The following MRPS28 variants were observed in gnomAD, a reference collection of about 807,000 sequenced individuals.
The protein encoded by MRPS28 is mitochondrial ribosomal protein S28.
In MRPS28, 7 loss-of-function variants were observed where a neutral mutation model predicts 10.8. That is an observed-to-expected ratio of 0.65 (90% CI 0.37 to 1.22). The LOEUF is 1.22. MRPS28 is among the 50% of genes most tolerant of loss of function. The probability of loss-of-function intolerance (pLI) is 0.02; values close to 1 mark genes in which losing one functional copy is unlikely to be tolerated. For missense variants in MRPS28, 265 were observed against 232.9 expected, an observed-to-expected ratio of 1.14 and a Z score of -0.90; for synonymous variants, 121 against 93.3, an observed-to-expected ratio of 1.30 and a Z score of -1.71.
At chr8:79,976,967 G>A (rs1426488531) in intron 2 of MRPS28, among the ~76,000 whole-genome samples, 3 of 152,080 alleles carry the variant, frequency 2.0e-5, no homozygotes, top group South Asian at 2.1e-4. Flanking sequence ...CCACAGAGAT[G>A]TTCCAGACTG....
intron 2 of MRPS28, among the ~76,000 whole-genome samples, chr8:79,983,676 G>A (rs9720689): frequency 0.68 from 102,295 of 151,190 alleles, 34,932 homozygotes; most frequent in East Asian, 0.85. Context: ...GGGTATCAGT[G>A]ATGGAAGATG....
rs58390672 is a variant in MRPS28 at position 79,949,413 on chromosome 8, C to CA, written c.396-30266dup. Among the ~76,000 whole-genome samples the CA allele has an allele frequency of 9.8e-3, 945 of 96,630 alleles. 6 individuals are homozygous for CA. The highest frequency in any genetic ancestry group is 0.03 in the East Asian group (97 of 3,200). The allele number at this position is 96,630 out of a possible 152,430, so 63.4% of individuals were successfully genotyped here. On this transcript the variant is annotated intron_variant, in intron 2 of 2. Coordinates refer to ENST00000276585, the MANE Select transcript of MRPS28 (RefSeq NM_014018.3). Reference sequence around the variant, plus strand: ...TGGGCGACAGAGTGAGACTCCGTCTCAAAAAAAAAAAAAAACAACAACAAA... The same window carrying CA: ...TGGGCGACAGAGTGAGACTCCGTCTCAAAAAAAAAAAAAAAACAACAACAAA...
intron 2 of MRPS28, among the ~76,000 whole-genome samples, chr8:79,971,661 A>G (rs1340184902): frequency 6.6e-6 from 1 of 152,166 alleles, no homozygotes; most frequent in Non-Finnish European, 1.5e-5. Context: ...AATGTTTTCA[A>G]GATTCAGACA....
intron 2 of MRPS28, among the ~76,000 whole-genome samples, chr8:79,966,295 T>C (rs1318158764): frequency 6.6e-6 from 1 of 151,974 alleles, no homozygotes; most frequent in Non-Finnish European, 1.5e-5. Flanking sequence ...CAGAATAAAG[T>C]TGCCTAGAAT....
chr8:79,962,207 C>T (rs1160429350), intron 2 of MRPS28, among the ~76,000 whole-genome samples: 1 of 151,704 alleles, frequency 6.6e-6, no homozygotes, highest in Non-Finnish European at 1.5e-5. Context: ...TATTATTCGT[C>T]GTTGTATTTC....
At chr8:80,018,235 G>A (rs1261800614) in intron 1 of MRPS28, among the ~76,000 whole-genome samples, 2 of 130,384 alleles carry the variant, frequency 1.5e-5, no homozygotes, top group Non-Finnish European at 3.1e-5. Context: ...GGCAGAGCTC[G>A]CAGTGAGCCG....
chr8:79,948,827 T>C (rs531371966), intron 2 of MRPS28, among the ~76,000 whole-genome samples: 1 of 152,358 alleles, frequency 6.6e-6, no homozygotes, highest in African/African-American at 2.4e-5. Flanking sequence ...TTGGTCATGA[T>C]GTATTATACA....
chr8:80,003,404 G>A (rs374680038), intron 1 of MRPS28, among the ~76,000 whole-genome samples: 25 of 152,292 alleles, frequency 1.6e-4, no homozygotes, highest in Non-Finnish European at 2.4e-4. Context: ...AGTGGCTCAC[G>A]CCTGTTATCC....
intron 2 of MRPS28, among the ~76,000 whole-genome samples, chr8:79,991,341 GAATT>G (rs1472566172): frequency 1.3e-5 from 2 of 151,014 alleles, no homozygotes; most frequent in Non-Finnish European, 2.9e-5. Context: ...TGCCAGATTT[GAATT>G]AATAGAGACA....
intron 2 of MRPS28, among the ~76,000 whole-genome samples, chr8:79,950,433 A>G (rs1327776256): frequency 1.3e-5 from 2 of 152,222 alleles, no homozygotes; most frequent in Non-Finnish European, 2.9e-5. Context: ...TTCATTAAAT[A>G]TACTTTAGGA....
intron 1 of MRPS28, chr8:80,028,658 C>CGGGGGGGGGG (rs572814570): frequency 9.3e-4 from 6 of 6,476 alleles, no homozygotes; most frequent in Non-Finnish European, 1.9e-3. Flanking sequence ...GCGGGGGGGG[C>CGGGGGGGGGG]GGGGCCGGGC....
chr8:79,973,850 A>AAG (rs1807707216), intron 2 of MRPS28, among the ~76,000 whole-genome samples: 1 of 151,632 alleles, frequency 6.6e-6, no homozygotes, highest in Admixed American at 6.6e-5. Flanking sequence ...AAAAAAAAAA[A>AAG]AAAGAAAGAA....
intron 2 of MRPS28, among the ~76,000 whole-genome samples, chr8:79,923,727 T>C (rs1810156101): frequency 6.6e-6 from 1 of 152,206 alleles, no homozygotes; most frequent in South Asian, 2.1e-4. Flanking sequence ...TGCTTGCTTC[T>C]GACTGATCTT....
At chr8:79,960,758 GT>G (rs1807354831) in intron 2 of MRPS28, among the ~76,000 whole-genome samples, 1 of 152,110 alleles carries the variant, frequency 6.6e-6, no homozygotes, top group Non-Finnish European at 1.5e-5. Flanking sequence ...AGATCACAAT[GT>G]CTGTTGTGAA....
At chr8:80,003,778 A>G (rs1022368851) in intron 1 of MRPS28, among the ~76,000 whole-genome samples, 1 of 151,986 alleles carries the variant, frequency 6.6e-6, no homozygotes, top group African/African-American at 2.4e-5. Flanking sequence ...AAATCGGGTC[A>G]CTCCCACCTT....
At position 79,985,273 on chromosome 8, in the gene MRPS28, T is replaced by A. The variant is rs541797746; in HGVS notation, c.395+17726A>T. On this transcript the variant is annotated intron_variant, in intron 2 of 2. Transcript: ENST00000276585. ...CCGGAATCTCTGGGACACAGTCAAA[T>A]CAGTGTGTAGAGGGAAATTTATAGC... Among the ~76,000 whole-genome samples, 51 of 152,162 alleles carry A rather than the reference T, an allele frequency of 3.4e-4. 1 individual carries two copies. The highest frequency in any genetic ancestry group is 3.3e-4 in the Admixed American group (5 of 15,300).
chr8:79,950,396 T>C (rs1807049818), intron 2 of MRPS28, among the ~76,000 whole-genome samples: 1 of 152,186 alleles, frequency 6.6e-6, no homozygotes, highest in South Asian at 2.1e-4. Flanking sequence ...CAGGAATGAG[T>C]AAGTTAATTC....
In MRPS28 at chr8:79,971,688, A is replaced by AG. The variant is rs1335970954; in HGVS notation, c.395+31310dup. The stretch of plus-strand genomic sequence containing the variant: ...ATTCAGACATGTTGTATCACGTCTT[A>AG]GTACTTCATTACCTTTTTTTCTTTT... On this transcript the variant is annotated intron_variant, in intron 2 of 2. Coordinates refer to ENST00000276585, the MANE Select transcript of MRPS28 (RefSeq NM_014018.3). Among the ~76,000 whole-genome samples the AG allele has an allele frequency of 3.3e-5, 5 of 152,304 alleles. No individual in the cohort carries two copies. In the East Asian group the frequency reaches 9.6e-4, roughly 29 times the overall value.
chr8:79,959,594 GA>G (rs767091142), intron 2 of MRPS28, among the ~76,000 whole-genome samples: 19 of 152,014 alleles, frequency 1.2e-4, no homozygotes, highest in Non-Finnish European at 2.4e-4. Context: ...ATTTTACATA[GA>G]AAAACTTTGC....
Sources: allele counts gnomAD v4.1 joint callset (sites outside exome capture counted in the v4.1 genomes callset), GRCh38; gene constraint gnomAD v4.1.1; transcripts MANE v1.5; gene names NCBI Gene and HGNC (gene_info 2026-07-23, HGNC 2026-07-21).